The following PTK2 variants were observed in gnomAD, a reference collection of about 807,000 sequenced individuals.
PTK2 encodes the protein protein tyrosine kinase 2.
Under a neutral mutation model 150.1 loss-of-function variants are expected in PTK2, and 45 were observed. The ratio of observed to expected loss-of-function variants is 0.30; its 90% confidence interval spans 0.24 to 0.38. The LOEUF (loss-of-function observed/expected upper bound fraction) is 0.38, where lower values mean the gene tolerates loss of function less well. Ranked by LOEUF, PTK2 falls within the 10% of genes least tolerant of loss-of-function variation. The pLI is 1.00. For synonymous variants in PTK2, 432 were observed against 449.2 expected, an observed-to-expected ratio of 0.96 and a Z score of 0.48; for missense variants, 919 against 1,307.3, an observed-to-expected ratio of 0.70 and a Z score of 4.58.
chr8:140,679,018 T>G (rs1489314234), intron 27 of PTK2, among the ~76,000 whole-genome samples: 5 of 37,318 alleles, frequency 1.3e-4, no homozygotes, highest in East Asian at 7.6e-4. Context: ...TTTTTTTTTT[T>G]TTTTTTTTTT....
intron 12 of PTK2, among the ~76,000 whole-genome samples, chr8:140,795,291 T>C (rs1339740815): frequency 6.6e-6 from 1 of 152,116 alleles, no homozygotes; most frequent in Non-Finnish European, 1.5e-5. Context: ...ATCACTTGAG[T>C]ACAAGCCAAA....
At chr8:140,807,323 G>C (rs1033589067) in intron 10 of PTK2, among the ~76,000 whole-genome samples, 2 of 152,194 alleles carry the variant, frequency 1.3e-5, no homozygotes, top group Non-Finnish European at 2.9e-5. Context: ...AAGTTTCACT[G>C]CGAAAAAGAG....
intron 3 of PTK2, among the ~76,000 whole-genome samples, chr8:140,881,695 C>T (rs2100149189): frequency 6.6e-6 from 1 of 152,212 alleles, no homozygotes; most frequent in Admixed American, 6.5e-5. Flanking sequence ...TCACCATTCA[C>T]ATCCTAAGAA....
At chr8:140,746,735 A>G (rs201349008) in intron 18 of PTK2, 25 bp downstream of exon 21, 1 of 1,530,752 alleles carries the variant, frequency 6.5e-7, no homozygotes, top group Non-Finnish European at 9.0e-7. Flanking sequence ...TGAGTCCAGA[A>G]GGTAAGATTT....
intron 29 of PTK2, among the ~76,000 whole-genome samples, chr8:140,670,488 A>AACACGC (rs1554645800): frequency 5.1e-5 from 2 of 38,944 alleles, no homozygotes; most frequent in African/African-American, 1.5e-4. Flanking sequence ...AAAAAACAAC[A>AACACGC]ACACACACAC....
chr8:140,928,134 T>TC (rs2100170397), intron 1 of PTK2, among the ~76,000 whole-genome samples: 1 of 151,606 alleles, frequency 6.6e-6, no homozygotes, highest in African/African-American at 2.4e-5. Context: ...TCAATTTCCC[T>TC]CCCGTATGCT....
chr8:140,727,659 G>T (rs2154348038), intron 22 of PTK2, among the ~76,000 whole-genome samples: 1 of 152,040 alleles, frequency 6.6e-6, no homozygotes, highest in East Asian at 1.9e-4. Context: ...CGTGTTGTGG[G>T]ATAAGGGAAG....
chr8:140,916,175 C>T (rs1443093232), intron 2 of PTK2, among the ~76,000 whole-genome samples: 1 of 152,208 alleles, frequency 6.6e-6, no homozygotes, highest in African/African-American at 2.4e-5. Flanking sequence ...CAGAATGAGG[C>T]ATGTGTTTCC....
At chr8:140,779,446 G>C (rs1007897187) in intron 14 of PTK2, among the ~76,000 whole-genome samples, 32 of 152,146 alleles carry the variant, frequency 2.1e-4, no homozygotes, top group African/African-American at 7.2e-4. Flanking sequence ...GAGTAGTCTG[G>C]AAGGGGCAAT....
At chr8:140,977,036 G>T in intron 1 of PTK2, among the ~76,000 whole-genome samples, 1 of 152,094 alleles carries the variant, frequency 6.6e-6, no homozygotes, top group Non-Finnish European at 1.5e-5. Context: ...ATCATCAAAG[G>T]AATCAGTAGA....
chr8:140,853,743 TAC>T (rs1356746707), intron 5 of PTK2, among the ~76,000 whole-genome samples: 1 of 152,176 alleles, frequency 6.6e-6, no homozygotes, highest in Non-Finnish European at 1.5e-5. Context: ...AGAAGAAATG[TAC>T]ACAATTAAAT....
rs771626257 is a variant in PTK2, at chr8:140,905,671, G to A, written c.-32-14902C>T. On this transcript the variant is annotated intron_variant, in intron 2 of 31. Transcript: ENST00000522684. ...ACTTGAACTCAGCTCTGGACCAAGCGGACCTAATAGACATCTACAGAACTC... is the reference window on the plus strand; with the variant it reads ...ACTTGAACTCAGCTCTGGACCAAGCAGACCTAATAGACATCTACAGAACTC... Among the ~76,000 whole-genome samples the A allele has an allele frequency of 2.9e-4, 44 of 152,072 alleles. 1 individual carries two copies. Among genetic ancestry groups the A allele is most frequent in the Admixed American group, 2.0e-3 (30 of 15,262 alleles).
chr8:140,901,103 A>T (rs2100158270), intron 2 of PTK2, among the ~76,000 whole-genome samples: 1 of 152,184 alleles, frequency 6.6e-6, no homozygotes, highest in African/African-American at 2.4e-5. Context: ...AAATCCATAC[A>T]TTTACAACCA....
At chr8:140,820,114 TTTTTAA>T (rs2100107490) in intron 8 of PTK2, among the ~76,000 whole-genome samples, 1 of 66,930 alleles carries the variant, frequency 1.5e-5, no homozygotes. Context: ...TTTTTTTTTT[TTTTTAA>T]ATAGGGTCTC....
chr8:140,928,984 G>A (rs1449797737), intron 1 of PTK2, among the ~76,000 whole-genome samples: 2 of 3,514 alleles, frequency 5.7e-4, no homozygotes, highest in African/African-American at 8.7e-4. Context: ...TTTTTTTTTT[G>A]AGACGGAGTC....
chr8:140,664,535 C>A (rs1306775689), intron 31 of PTK2, among the ~76,000 whole-genome samples: 3 of 152,186 alleles, frequency 2.0e-5, no homozygotes, highest in Admixed American at 1.3e-4. Flanking sequence ...TGCACAATGC[C>A]CGCCCCATTC....
At chr8:140,748,791 A>T (rs1162569176) in intron 17 of PTK2, among the ~76,000 whole-genome samples, 1 of 152,206 alleles carries the variant, frequency 6.6e-6, no homozygotes, top group Non-Finnish European at 1.5e-5. Flanking sequence ...CTTGTACAGT[A>T]TACTAGGATT....
At chr8:140,704,200 T>C in intron 24 of PTK2, among the ~76,000 whole-genome samples, 1 of 152,236 alleles carries the variant, frequency 6.6e-6, no homozygotes, top group African/African-American at 2.4e-5. Flanking sequence ...GGCAGTTTTC[T>C]ACATAATAGT....
At chr8:140,820,076 GTTTTTTTT>G (rs370537018) in intron 8 of PTK2, among the ~76,000 whole-genome samples, 12 of 50,188 alleles carry the variant, frequency 2.4e-4, no homozygotes, top group Non-Finnish European at 4.2e-4. Flanking sequence ...TCTGACTTTG[GTTTTTTTT>G]TTTTTTTTTT....
Sources: gnomAD v4.1 joint callset for allele counts (sites outside exome capture counted in the v4.1 genomes callset) on GRCh38, gnomAD v4.1.1 for gene constraint, MANE v1.5 for transcripts, NCBI Gene and HGNC (gene_info 2026-07-23, HGNC 2026-07-21) for gene names.